The following LDB3 variants were observed in gnomAD, a reference collection of about 807,000 sequenced individuals.
LDB3 encodes the protein LIM domain binding 3.
A neutral mutation model predicts 69.0 loss-of-function variants in LDB3; 49 were observed. The observed-to-expected ratio is 0.71, with a 90% CI of 0.56 to 0.90. The LOEUF (loss-of-function observed/expected upper bound fraction) is 0.90, where lower values mean the gene tolerates loss of function less well. Among genes scored for constraint, LDB3 ranks in the 40% least tolerant of loss-of-function variants. The pLI is 0.00. For missense variants in LDB3, 928 were observed against 974.1 expected, an observed-to-expected ratio of 0.95 and a Z score of 0.63; for synonymous variants, 387 against 396.2, an observed-to-expected ratio of 0.98 and a Z score of 0.28.
chr10:86,672,432 G>C (rs751049420), intron 2 of LDB3, among the ~76,000 whole-genome samples: 17 of 152,256 alleles, frequency 1.1e-4, no homozygotes, highest in Admixed American at 7.8e-4. Flanking sequence ...GGTCTCTGGG[G>C]AGAGGAAGGG....
intron 7 of LDB3, among the ~76,000 whole-genome samples, chr10:86,697,072 G>T (rs1404497652): frequency 6.6e-6 from 1 of 152,220 alleles, no homozygotes; most frequent in South Asian, 2.1e-4. Context: ...AGCAGGTGCA[G>T]AACCGAGGAC....
At chr10:86,696,007 T>A (rs1272756835) in intron 7 of LDB3, among the ~76,000 whole-genome samples, 1 of 152,224 alleles carries the variant, frequency 6.6e-6, no homozygotes, top group Non-Finnish European at 1.5e-5. Flanking sequence ...CTGATCTTAG[T>A]GAAGAGTCCC....
At position 86,699,533 on chromosome 10, in the gene LDB3, C is replaced by A; in HGVS notation, c.896+6962C>A. On this transcript the variant is annotated intron_variant, in intron 7 of 13. Coordinates refer to ENST00000361373, the MANE Select transcript of LDB3 (RefSeq NM_007078.3). This position sits in a 1 kb window ranked among gnomAD's most constrained non-coding sequence, Gnocchi z 4.9. ...CCGCAGCATTTCTGTCCTCTGCCCA[C>A]CCCAGAGCTGATGCTGGGGCCCAGC... The A allele has an allele frequency of 6.7e-7, 1 of 1,492,062 alleles. No individual in the cohort carries two copies. Among genetic ancestry groups the A allele is most frequent in the Non-Finnish European group, 8.9e-7 (1 of 1,122,682 alleles). The allele number at this position is 1,492,062 out of a possible 1,614,324, so 92.4% of individuals were successfully genotyped here.
intron 12 of LDB3, among the ~76,000 whole-genome samples, chr10:86,723,432 C>G (rs1252718324): frequency 6.6e-6 from 1 of 152,028 alleles, no homozygotes; most frequent in Non-Finnish European, 1.5e-5. Flanking sequence ...CAGCCTAGCA[C>G]AAAGGATTGC....
chr10:86,722,739 A>G (rs185456141), intron 12 of LDB3, among the ~76,000 whole-genome samples: 15 of 148,744 alleles, frequency 1.0e-4, no homozygotes, highest in African/African-American at 3.0e-4. Context: ...GCTAATTTTT[A>G]TATTATTAGT....
At position 86,668,518 on chromosome 10, in the gene LDB3, G is replaced by A; in HGVS notation, c.-76G>A. ...TGGCATTCGCTCCCAGCTATTCTTAGGAGCCTCTCAAGAGCTCCACGCAGC... is the reference window on the plus strand; with the variant it reads ...TGGCATTCGCTCCCAGCTATTCTTAAGAGCCTCTCAAGAGCTCCACGCAGC... On this transcript the variant is annotated 5_prime_UTR_variant, in exon 1 of 14. Transcript: ENST00000361373. 1.4e-6 allele frequency: 1 copy of A among 693,564 alleles called. No individual in the cohort carries two copies. The highest frequency in any genetic ancestry group is 2.6e-6 in the Non-Finnish European group (1 of 378,188). The allele number at this position is 693,564 out of a possible 1,614,324, so 43.0% of individuals were successfully genotyped here.
intron 2 of LDB3, among the ~76,000 whole-genome samples, chr10:86,673,506 T>C (rs550016770): frequency 3.2e-4 from 49 of 151,774 alleles, no homozygotes; most frequent in African/African-American, 1.1e-3. Flanking sequence ...TTTTTGAGCA[T>C]TGAGGGGACT....
At chr10:86,730,060 T>C (rs1847401099) in intron 13 of LDB3, among the ~76,000 whole-genome samples, 1 of 152,066 alleles carries the variant, frequency 6.6e-6, no homozygotes, top group Admixed American at 6.5e-5. Context: ...TGCATCCACC[T>C]GGGATGTTTT....
intron 5 of LDB3, among the ~76,000 whole-genome samples, chr10:86,686,008 G>A (rs1313704438): frequency 6.6e-6 from 1 of 152,152 alleles, no homozygotes; most frequent in Non-Finnish European, 1.5e-5. Context: ...GACACAGGCT[G>A]TGCTGCTGCT....
At chr10:86,669,302 C>T (rs919110796) in intron 2 of LDB3, among the ~76,000 whole-genome samples, 1 of 152,174 alleles carries the variant, frequency 6.6e-6, no homozygotes, top group African/African-American at 2.4e-5. Context: ...GCACCTGCTC[C>T]ATCCCAAACT....
intron 8 of LDB3, among the ~76,000 whole-genome samples, chr10:86,707,466 G>T (rs1234214083): frequency 6.6e-6 from 1 of 152,082 alleles, no homozygotes; most frequent in African/African-American, 2.4e-5. Context: ...CCAGCAAGCA[G>T]AGACCAAAGG....
At chr10:86,687,501 G>A (rs562841450) in intron 5 of LDB3, among the ~76,000 whole-genome samples, 4 of 152,354 alleles carry the variant, frequency 2.6e-5, no homozygotes, top group African/African-American at 9.6e-5. Context: ...AGAAAATGGT[G>A]GCTCCTCAAA....
chr10:86,714,326 A>G (rs913397656), intron 9 of LDB3, among the ~76,000 whole-genome samples: 2 of 152,120 alleles, frequency 1.3e-5, no homozygotes, highest in Non-Finnish European at 2.9e-5. Flanking sequence ...CCTCCCTGAC[A>G]TGTTGCACTG....
intron 12 of LDB3, among the ~76,000 whole-genome samples, chr10:86,719,178 G>A (rs906650409): frequency 2.0e-5 from 3 of 152,086 alleles, no homozygotes; most frequent in Non-Finnish European, 4.4e-5. Context: ...CAGAAGAATT[G>A]CTTGAGCCCA....
intron 9 of LDB3, among the ~76,000 whole-genome samples, chr10:86,714,083 C>G (rs1564656011): frequency 6.6e-6 from 1 of 152,228 alleles, no homozygotes; most frequent in Non-Finnish European, 1.5e-5. Flanking sequence ...ATGCCAGGTA[C>G]TAGGCTACGC....
intron 2 of LDB3, among the ~76,000 whole-genome samples, chr10:86,675,339 C>T (rs1351559461): frequency 1.3e-5 from 2 of 152,238 alleles, no homozygotes; most frequent in South Asian, 2.1e-4. Flanking sequence ...AGTCAGATAG[C>T]CCTGCAGAGG....
intron 9 of LDB3, among the ~76,000 whole-genome samples, chr10:86,713,589 G>C (rs2132475700): frequency 6.6e-6 from 1 of 152,300 alleles, no homozygotes; most frequent in South Asian, 2.1e-4. Flanking sequence ...ACAAAGAAAG[G>C]AAAGAAAATG....
chr10:86,704,024 G>T (rs1050422947), intron 7 of LDB3, among the ~76,000 whole-genome samples: 1 of 151,802 alleles, frequency 6.6e-6, no homozygotes, highest in African/African-American at 2.4e-5. Flanking sequence ...TGGGACAGGA[G>T]AATTGTATGA....
At chr10:86,676,008 A>T (rs1027879728) in intron 2 of LDB3, among the ~76,000 whole-genome samples, 1 of 152,188 alleles carries the variant, frequency 6.6e-6, no homozygotes, top group Non-Finnish European at 1.5e-5. Flanking sequence ...GTTCACCTCT[A>T]CACTCAAGGC....
Sources: gnomAD v4.1 joint callset for allele counts (sites outside exome capture counted in the v4.1 genomes callset) on GRCh38, gnomAD v4.1.1 for gene constraint, Gnocchi (gnomAD v3.1) non-coding constraint, MANE v1.5 for transcripts, NCBI Gene and HGNC (gene_info 2026-07-23, HGNC 2026-07-21) for gene names.